The following GALNT14 variants were observed in gnomAD, a reference collection of about 807,000 sequenced individuals.
GALNT14 encodes the protein UDP-GalNAc:polypeptide N-acetylgalactosaminyltransferase 14.
Under a neutral mutation model 77.5 loss-of-function variants are expected in GALNT14, and 60 were observed. That is an observed-to-expected ratio of 0.77 (90% CI 0.63 to 0.96). GALNT14 has a LOEUF of 0.96. GALNT14 is among the 40% of genes least tolerant of loss of function. The pLI is 0.00. For missense variants in GALNT14, 710 were observed against 731.0 expected, an observed-to-expected ratio of 0.97 and a Z score of 0.33; for synonymous variants, 280 against 281.7, an observed-to-expected ratio of 0.99 and a Z score of 0.06.
intron 1 of GALNT14, among the ~76,000 whole-genome samples, chr2:31,088,742 G>T (rs1676583710): frequency 6.6e-6 from 1 of 152,212 alleles, no homozygotes; most frequent in Admixed American, 6.5e-5. Flanking sequence ...GGTGATGCTA[G>T]ATTATGTGTA....
At chr2:30,933,790 C>A (rs776041397) in intron 9 of GALNT14, among the ~76,000 whole-genome samples, 1 of 152,246 alleles carries the variant, frequency 6.6e-6, no homozygotes, top group Non-Finnish European at 1.5e-5. Context: ...CCTTGGGAAA[C>A]CTGCTTAAGC....
At chr2:31,042,578 A>G (rs1673166358) in intron 1 of GALNT14, among the ~76,000 whole-genome samples, 1 of 152,142 alleles carries the variant, frequency 6.6e-6, no homozygotes, top group Non-Finnish European at 1.5e-5. Flanking sequence ...AGCTCCACCC[A>G]CAGCCTGGTC....
At chr2:30,944,985 C>A (rs1322521381) in intron 7 of GALNT14, 43 bp from the exon 8 acceptor site, 2 of 1,526,208 alleles carry the variant, frequency 1.3e-6, no homozygotes, top group Non-Finnish European at 1.8e-6. Context: ...CTCTCAAAAG[C>A]ACTTGCTCAT....
intron 11 of GALNT14, among the ~76,000 whole-genome samples, chr2:30,926,939 T>C (rs1037659945): frequency 2.0e-5 from 3 of 152,148 alleles, no homozygotes; most frequent in African/African-American, 7.2e-5. Context: ...AGACAGAGCA[T>C]GGATTATGAG....
At chr2:30,983,170 C>T (rs1480919284) in intron 2 of GALNT14, among the ~76,000 whole-genome samples, 1 of 152,084 alleles carries the variant, frequency 6.6e-6, no homozygotes, top group African/African-American at 2.4e-5. Flanking sequence ...CTTAAGGGAC[C>T]ATGCCTCCTG....
intron 1 of GALNT14, among the ~76,000 whole-genome samples, chr2:31,088,168 G>A (rs191161597): frequency 2.7e-4 from 41 of 152,340 alleles, no homozygotes; most frequent in Non-Finnish European, 1.9e-4. Flanking sequence ...TAGCGATTGC[G>A]GCAGAGGCCA....
chr2:31,048,337 A>G (rs1208034872), intron 1 of GALNT14, among the ~76,000 whole-genome samples: 1 of 152,142 alleles, frequency 6.6e-6, no homozygotes, highest in Admixed American at 6.5e-5. Context: ...TGAATAGGGG[A>G]CACAGAAATG....
chr2:31,015,540 C>G (rs1301002363), intron 1 of GALNT14, among the ~76,000 whole-genome samples: 1 of 152,112 alleles, frequency 6.6e-6, no homozygotes, highest in African/African-American at 2.4e-5. Context: ...CTCCAATGTA[C>G]TAATGGCAAA....
In GALNT14 at chr2:31,079,774, T is replaced by C. The variant is rs1164134812; in HGVS notation, c.129+58184A>G. 4.6e-5 allele frequency among the ~76,000 whole-genome samples: 7 copies of C among 152,208 alleles called. No individual in the cohort carries two copies. The East Asian group carries it at 7.7e-4, about 17-fold the overall frequency. ...AGCACCCCACGGGCTTCCTTAGTCA[T>C]GTACGGTCCTACAACCCAACACGGG... On this transcript the variant is annotated intron_variant, in intron 1 of 14. Transcript: ENST00000349752.
At chr2:30,901,926 G>A in the GALNT14 span, among the ~76,000 whole-genome samples, 1 of 152,172 alleles carries the variant, frequency 6.6e-6, no homozygotes, top group South Asian at 2.1e-4. Context: ...TTAGAGTGTG[G>A]GTCTTTTTTG....
At chr2:30,905,920 G>C (rs1285595500), downstream of GALNT14, among the ~76,000 whole-genome samples, 2 of 150,474 alleles carry the variant, frequency 1.3e-5, no homozygotes, top group Non-Finnish European at 2.9e-5. Context: ...CATTCTTAAA[G>C]AAAAGAATTT....
downstream of GALNT14, among the ~76,000 whole-genome samples, chr2:30,907,437 C>T (rs528240960): frequency 9.3e-4 from 142 of 152,308 alleles, no homozygotes; most frequent in African/African-American, 3.2e-3. Context: ...AAGAACTCTA[C>T]GCCAATAAAC....
intron 1 of GALNT14, among the ~76,000 whole-genome samples, chr2:31,105,769 C>T (rs1386563441): frequency 2.6e-5 from 4 of 151,966 alleles, no homozygotes; most frequent in African/African-American, 9.7e-5. Context: ...TCTGAGTACT[C>T]ACCATGCACT....
At chr2:31,073,499 G>C (rs1485361711) in intron 1 of GALNT14, among the ~76,000 whole-genome samples, 1 of 151,952 alleles carries the variant, frequency 6.6e-6, no homozygotes, top group African/African-American at 2.4e-5. Context: ...GGGGGGAACA[G>C]CATTTGGGGA....
rs1196402402 is a variant in GALNT14, at chr2:31,038,084, A to ATT, written c.130-45079_130-45078dup. On this transcript the variant is annotated intron_variant, in intron 1 of 14. Coordinates refer to ENST00000349752, the MANE Select transcript of GALNT14 (RefSeq NM_024572.4). ...ATTTGCCATATATATATATATATAT[A>ATT]TTTTTTTTTTTTTTTTTTTTTTTTT... Among the ~76,000 whole-genome samples the ATT allele has an allele frequency of 3.4e-3, 180 of 52,634 alleles. 16 individuals carry two copies. The highest frequency in any genetic ancestry group is 4.3e-3 in the Non-Finnish European group (134 of 30,920). 34.5% of individuals were successfully genotyped at this position (52,634 alleles called of 152,430 possible). A position where few individuals can be genotyped will look rare whatever the true frequency, so the allele number is the denominator to read the frequency against.
chr2:31,134,208 G>T (rs1160024646), intron 1 of GALNT14, among the ~76,000 whole-genome samples: 1 of 151,664 alleles, frequency 6.6e-6, no homozygotes, highest in East Asian at 1.9e-4. Flanking sequence ...CCCAGACCAG[G>T]AGCCCTTAAT....
intron 1 of GALNT14, among the ~76,000 whole-genome samples, chr2:31,049,798 C>A (rs1673722172): frequency 6.6e-6 from 1 of 152,224 alleles, no homozygotes; most frequent in Admixed American, 6.5e-5. Context: ...TCCCTTCTGA[C>A]TGCACATTAA....
intron 13 of GALNT14, among the ~76,000 whole-genome samples, chr2:30,922,420 GAGACCAGGATTC>G (rs1047725295): frequency 2.6e-5 from 4 of 152,176 alleles, no homozygotes; most frequent in Non-Finnish European, 4.4e-5. Context: ...CACAGGAAGA[GAGACCAGGATTC>G]AGCTCCTGCT....
intron 1 of GALNT14, among the ~76,000 whole-genome samples, chr2:31,085,376 C>T (rs1676378751): frequency 6.6e-6 from 1 of 152,224 alleles, no homozygotes; most frequent in Admixed American, 6.5e-5. Context: ...TAAAGCATGA[C>T]CTTCAGGGCC....
Sources: allele counts gnomAD v4.1 joint callset (sites outside exome capture counted in the v4.1 genomes callset), GRCh38; gene constraint gnomAD v4.1.1; transcripts MANE v1.5; gene names NCBI Gene and HGNC (gene_info 2026-07-23, HGNC 2026-07-21).